Variants in ZC3H12B observed in about 807,000 individuals in gnomAD.
The protein encoded by ZC3H12B is zinc finger CCCH-type containing 12B, also known as probable ribonuclease ZC3H12B.
In ZC3H12B, 7 loss-of-function variants were observed where a neutral mutation model predicts 43.9. The ratio of observed to expected loss-of-function variants is 0.16; its 90% CI spans 0.09 to 0.30. The LOEUF is 0.30. ZC3H12B is among the 10% of genes least tolerant of loss of function. ZC3H12B has a pLI of 1.00. For missense variants in ZC3H12B, 475 were observed against 670.2 expected (o/e 0.71, Z 3.22); for synonymous variants, 222 against 241.7 (o/e 0.92, Z 0.76).
the ZC3H12B span, among the ~76,000 whole-genome samples, chrX:65,161,565 T>A: frequency 8.9e-6 from 1 of 111,790 alleles, no homozygotes; most frequent in Admixed American, 9.5e-5. Flanking sequence ...GTCTGTTTTA[T>A]CAGAGACTAG....
At chrX:65,443,900 AG>A (rs1233158864) in intron 3 of ZC3H12B, among the ~76,000 whole-genome samples, 1 of 112,645 alleles carries the variant, frequency 8.9e-6, no homozygotes, top group African/African-American at 3.2e-5. Context: ...GTGTTCTTAC[AG>A]GTAAAATGTG....
At chrX:65,451,076 C>T (rs1283389140) in intron 3 of ZC3H12B, among the ~76,000 whole-genome samples, 1 of 107,970 alleles carries the variant, frequency 9.3e-6, no homozygotes, top group African/African-American at 3.4e-5. Flanking sequence ...GCCTCGCAAA[C>T]AACTGGAATT....
intron 3 of ZC3H12B, among the ~76,000 whole-genome samples, chrX:65,435,503 A>G (rs1292356921): frequency 8.9e-6 from 1 of 111,737 alleles, no homozygotes; most frequent in Non-Finnish European, 1.9e-5. Flanking sequence ...AGCATTTTTA[A>G]GTGTGATGAC....
chrX:65,303,274 C>T, the ZC3H12B span, among the ~76,000 whole-genome samples: 4 of 111,054 alleles, frequency 3.6e-5, no homozygotes, highest in South Asian at 7.6e-4. Flanking sequence ...GGCTTAGTAC[C>T]TGGATGATAA....
At chrX:65,476,464 TC>T (rs1280216468) in intron 3 of ZC3H12B, among the ~76,000 whole-genome samples, 1 of 111,823 alleles carries the variant, frequency 8.9e-6, no homozygotes, top group Non-Finnish European at 1.9e-5. Flanking sequence ...AAGTACACAC[TC>T]AAGAAAGAGG....
At chrX:65,282,667 A>G in the ZC3H12B span, among the ~76,000 whole-genome samples, 7 of 111,779 alleles carry the variant, frequency 6.3e-5, no homozygotes, top group Non-Finnish European at 1.1e-4. Context: ...GAGAAATACA[A>G]ACTACCATCA....
At chrX:65,287,552 G>C in the ZC3H12B span, among the ~76,000 whole-genome samples, 2 of 110,695 alleles carry the variant, frequency 1.8e-5, no homozygotes, top group South Asian at 7.7e-4. Context: ...CTTGTGTCTA[G>C]GAGTTTGAGA....
chrX:65,393,329 C>A (rs772573487), intron 2 of ZC3H12B, among the ~76,000 whole-genome samples: 1 of 111,873 alleles, frequency 8.9e-6, no homozygotes, highest in Non-Finnish European at 1.9e-5. Context: ...ATGTGCTTAA[C>A]GTGCAGGTTT....
At chrX:65,419,337 G>A (rs1273862615) in intron 3 of ZC3H12B, among the ~76,000 whole-genome samples, 1 of 111,780 alleles carries the variant, frequency 8.9e-6, no homozygotes, top group Non-Finnish European at 1.9e-5. Flanking sequence ...AGATGCAGGG[G>A]TGGTGATTCG....
intron 3 of ZC3H12B, among the ~76,000 whole-genome samples, chrX:65,452,818 G>A (rs189456785): frequency 1.9e-5 from 2 of 103,589 alleles, no homozygotes; most frequent in African/African-American, 7.8e-5. Context: ...TCCAGCCTGG[G>A]CAACAGAGTG....
At chrX:65,145,207 C>T in the ZC3H12B span, among the ~76,000 whole-genome samples, 1 of 103,931 alleles carries the variant, frequency 9.6e-6, no homozygotes, top group Non-Finnish European at 2.0e-5. Context: ...TGGACAAGGC[C>T]TTTTATCATT....
At chrX:65,495,230 T>C (rs1168286797) in intron 1 of ZC3H12B, among the ~76,000 whole-genome samples, 1 of 112,534 alleles carries the variant, frequency 8.9e-6, no homozygotes, top group Non-Finnish European at 1.9e-5. Context: ...TATAATTGTT[T>C]TGTGGTACTC....
intron 2 of ZC3H12B, among the ~76,000 whole-genome samples, chrX:65,391,794 C>T (rs971204666): frequency 3.6e-5 from 4 of 111,652 alleles, no homozygotes; most frequent in African/African-American, 6.5e-5. Context: ...CCGTCTTCCA[C>T]TTTCCATGGT....
At chrX:65,351,477 T>G in the ZC3H12B span, among the ~76,000 whole-genome samples, 2 of 112,028 alleles carry the variant, frequency 1.8e-5, no homozygotes, top group African/African-American at 6.5e-5. Context: ...GGGATCTAAT[T>G]AAACTAAAGA....
intron 2 of ZC3H12B, among the ~76,000 whole-genome samples, chrX:65,388,207 C>G (rs1405058123): frequency 1.3e-4 from 14 of 111,953 alleles, no homozygotes; most frequent in African/African-American, 1.9e-4. Context: ...GATTGGGGAA[C>G]TTCTCCTGGA....
chrX:65,162,935 A>G, the ZC3H12B span, among the ~76,000 whole-genome samples: 1 of 111,765 alleles, frequency 8.9e-6, no homozygotes, highest in South Asian at 3.7e-4. Flanking sequence ...TGATGCACAC[A>G]TGGGTTTTTG....
the ZC3H12B span, among the ~76,000 whole-genome samples, chrX:65,211,686 T>C: frequency 4.5e-5 from 4 of 88,302 alleles, no homozygotes; most frequent in Admixed American, 4.7e-4. Context: ...TAATTATATA[T>C]ATAATATTAT....
chrX:65,148,462 T>A, the ZC3H12B span, among the ~76,000 whole-genome samples: 223 of 111,061 alleles, frequency 2.0e-3, 1 homozygote, highest in African/African-American at 6.9e-3. Flanking sequence ...AGACCCTGAG[T>A]CTTTGGAGGC....
At chrX:65,365,779 G>A (rs1235687607), upstream of ZC3H12B, among the ~76,000 whole-genome samples, 1 of 110,052 alleles carries the variant, frequency 9.1e-6, no homozygotes, top group Non-Finnish European at 1.9e-5. Context: ...TCCTTCTCCT[G>A]GCTCAGAAGC....
Sources: allele counts gnomAD v4.1 joint callset (sites outside exome capture counted in the v4.1 genomes callset), GRCh38; gene constraint gnomAD v4.1.1; transcripts MANE v1.5; gene names NCBI Gene and HGNC (gene_info 2026-07-23, HGNC 2026-07-21).